The following FGF14 variants were observed in gnomAD, a reference collection of about 807,000 sequenced individuals.
The protein encoded by FGF14 is fibroblast growth factor homologous factor 4.
In FGF14, 5 loss-of-function variants were observed where a neutral mutation model predicts 25.5. That is an observed-to-expected ratio of 0.20 (90% CI 0.10 to 0.41). FGF14 has a LOEUF of 0.41. Among genes scored for constraint, FGF14 ranks in the 10% least tolerant of loss-of-function variants. FGF14 has a pLI of 1.00. For missense variants in FGF14, 222 were observed against 320.1 expected, an observed-to-expected ratio of 0.69 and a Z score of 2.34; for synonymous variants, 138 against 118.3, an observed-to-expected ratio of 1.17 and a Z score of -1.08.
intron 1 of FGF14, among the ~76,000 whole-genome samples, chr13:102,302,095 A>G (rs1194317885): frequency 6.6e-6 from 1 of 152,106 alleles, no homozygotes; most frequent in Admixed American, 6.6e-5. Flanking sequence ...GAGCATTACC[A>G]CAGCAGTTTT....
At chr13:101,800,952 G>A (rs1248688684) in intron 3 of FGF14, among the ~76,000 whole-genome samples, 1 of 152,176 alleles carries the variant, frequency 6.6e-6, no homozygotes, top group Admixed American at 6.5e-5. Flanking sequence ...GCCTGGAGGA[G>A]GGACTGTTAA....
At chr13:102,394,564 G>C (rs565956562) in intron 1 of FGF14, 2 of 152,266 alleles carry the variant, frequency 1.3e-5, no homozygotes, top group Admixed American at 1.3e-4. Flanking sequence ...AGGGTCAGAG[G>C]TCATCTCCGT....
At position 102,157,731 on chromosome 13, in the gene FGF14, G is replaced by GGCAACCTACAGAAAGGGAGAAAGTTTTT. The variant is rs2047413916; in HGVS notation, c.208+243712_208+243739dup. Among the ~76,000 whole-genome samples, 6 of 152,168 alleles carry GGCAACCTACAGAAAGGGAGAAAGTTTTT rather than the reference G, an allele frequency of 3.9e-5. No individual in the cohort carries two copies. The South Asian group carries it at 1.2e-3, about 32-fold the overall frequency. ...AAAGAGCTTCTGTTCAGAGTGAATA[G>GGCAACCTACAGAAAGGGAGAAAGTTTTT]GCAACCTACAGAAAGGGAGAAAGTT... On this transcript the variant is annotated intron_variant, in intron 1 of 4. Coordinates refer to the FGF14 transcript ENST00000376131.
intron 1 of FGF14, among the ~76,000 whole-genome samples, chr13:102,212,254 A>T (rs2050192169): frequency 6.6e-6 from 1 of 152,182 alleles, no homozygotes; most frequent in Admixed American, 6.5e-5. Context: ...TGTTTTTTTA[A>T]AGAACTAAGG....
At chr13:101,971,662 A>G (rs2037603703) in intron 1 of FGF14, among the ~76,000 whole-genome samples, 2 of 152,186 alleles carry the variant, frequency 1.3e-5, no homozygotes, top group Admixed American at 6.5e-5. Flanking sequence ...GTGAGCCACC[A>G]CACCCAGCCT....
chr13:102,014,092 A>C (rs1413044534), intron 1 of FGF14, among the ~76,000 whole-genome samples: 1 of 152,168 alleles, frequency 6.6e-6, no homozygotes, highest in Non-Finnish European at 1.5e-5. Context: ...ATGAACATTA[A>C]GGTCAAACAG....
At chr13:102,383,318 AAT>A (rs1334310584) in intron 1 of FGF14, among the ~76,000 whole-genome samples, 2 of 152,184 alleles carry the variant, frequency 1.3e-5, no homozygotes, top group Non-Finnish European at 2.9e-5. Context: ...TCATTAGACA[AAT>A]ATGTTTATTT....
chr13:102,158,400 C>G (rs552829362), intron 1 of FGF14, among the ~76,000 whole-genome samples: 1 of 152,116 alleles, frequency 6.6e-6, no homozygotes, highest in African/African-American at 2.4e-5. Context: ...AACCATCATT[C>G]TCAGCAAACT....
intron 3 of FGF14, among the ~76,000 whole-genome samples, chr13:101,796,505 T>C (rs1448002836): frequency 1.3e-5 from 2 of 152,026 alleles, no homozygotes; most frequent in Admixed American, 1.3e-4. Context: ...AATTCATATA[T>C]TGAAGTCCAT....
intron 3 of FGF14, among the ~76,000 whole-genome samples, chr13:101,851,324 C>G (rs927467028): frequency 6.6e-6 from 1 of 151,964 alleles, no homozygotes; most frequent in Non-Finnish European, 1.5e-5. Context: ...GCAAACTCAG[C>G]ATGGGAGAAG....
intron 1 of FGF14, among the ~76,000 whole-genome samples, chr13:102,231,990 G>A (rs918082882): frequency 6.6e-6 from 1 of 152,174 alleles, no homozygotes; most frequent in African/African-American, 2.4e-5. Context: ...TGAGACTAAA[G>A]TGCAAACTAT....
At chr13:102,185,916 G>A (rs1296641519) in intron 1 of FGF14, among the ~76,000 whole-genome samples, 3 of 152,100 alleles carry the variant, frequency 2.0e-5, no homozygotes, top group African/African-American at 4.8e-5. Flanking sequence ...ACCAAAAGAA[G>A]GAAAAAGTCT....
chr13:102,228,717 C>T (rs527474737), intron 1 of FGF14, among the ~76,000 whole-genome samples: 3 of 152,262 alleles, frequency 2.0e-5, no homozygotes, highest in South Asian at 4.1e-4. Flanking sequence ...AGTCAAGAAT[C>T]CTCCTGTTAT....
chr13:101,754,108 T>C (rs1049424030), intron 3 of FGF14, among the ~76,000 whole-genome samples: 3 of 152,208 alleles, frequency 2.0e-5, no homozygotes, highest in Non-Finnish European at 4.4e-5. Flanking sequence ...AGGATGAATG[T>C]TGTCATCTTC....
intron 1 of FGF14, among the ~76,000 whole-genome samples, chr13:101,960,889 C>G (rs537609607): frequency 2.0e-5 from 3 of 152,320 alleles, no homozygotes; most frequent in African/African-American, 4.8e-5. Context: ...GTCATTCTGA[C>G]TGGAGTGAGA....
chr13:102,265,942 A>T (rs1435534571), intron 1 of FGF14, among the ~76,000 whole-genome samples: 1 of 152,090 alleles, frequency 6.6e-6, no homozygotes, highest in African/African-American at 2.4e-5. Context: ...ATTGTCATTT[A>T]AAAAATTGAT....
intron 3 of FGF14, among the ~76,000 whole-genome samples, chr13:101,759,308 A>G (rs938306046): frequency 6.6e-6 from 1 of 152,156 alleles, no homozygotes; most frequent in Non-Finnish European, 1.5e-5. Flanking sequence ...ATATATGTAC[A>G]TGTATTAGGG....
chr13:101,872,286 A>G (rs1001597428), intron 2 of FGF14, among the ~76,000 whole-genome samples: 2 of 151,388 alleles, frequency 1.3e-5, no homozygotes, highest in African/African-American at 2.4e-5. Context: ...GATTATTCAT[A>G]ATGTTTATGT....
At chr13:102,311,127 C>T (rs1345367841) in intron 1 of FGF14, among the ~76,000 whole-genome samples, 1 of 152,142 alleles carries the variant, frequency 6.6e-6, no homozygotes, top group Non-Finnish European at 1.5e-5. Context: ...AGTGTTCTTC[C>T]ATTCATTACA....
Sources: gnomAD v4.1 joint callset for allele counts (sites outside exome capture counted in the v4.1 genomes callset) on GRCh38, gnomAD v4.1.1 for gene constraint, MANE v1.5 for transcripts, NCBI Gene and HGNC (gene_info 2026-07-23, HGNC 2026-07-21) for gene names.